Variants in KLF12 observed in about 807,000 individuals in gnomAD.
KLF12 encodes KLF transcription factor 12, also known as Krueppel-like factor 12.
In KLF12, 9 loss-of-function variants were observed where a neutral mutation model predicts 37.8. The ratio of observed to expected loss-of-function variants is 0.24; its 90% CI spans 0.14 to 0.42. The LOEUF is 0.42. Among genes scored for constraint, KLF12 ranks in the 10% least tolerant of loss-of-function variants. The pLI is 1.00. For missense variants in KLF12, 411 were observed against 516.0 expected (o/e 0.80, Z 1.97); for synonymous variants, 208 against 202.1 (o/e 1.03, Z -0.25).
At chr13:73,999,673 C>G (rs1967801) in intron 1 of KLF12, among the ~76,000 whole-genome samples, 132,352 of 152,118 alleles carry the variant, frequency 0.87, 57,816 homozygotes, top group Middle Eastern at 0.91. Flanking sequence ...CCGTGAGGCA[C>G]AGCTTGCAGT....
At chr13:74,248,378 T>G in the KLF12 span, among the ~76,000 whole-genome samples, 1 of 152,330 alleles carries the variant, frequency 6.6e-6, no homozygotes, top group East Asian at 1.9e-4. Flanking sequence ...TATTTGCACT[T>G]TTATTATAGC....
In KLF12 at chr13:74,092,038, C is replaced by G. The variant is rs1875696071; in HGVS notation, c.-32+41701G>C. On this transcript the variant is annotated intron_variant, in intron 1 of 7. Transcript: ENST00000377669. ...GACGTGGTGGCTCACACCTGTAATC[C>G]CAGCACTTTGGGAGGCTGAGGCGGG... Among the ~76,000 whole-genome samples the G allele has an allele frequency of 5.3e-5, 8 of 151,366 alleles. No individual in the cohort carries two copies. The South Asian group carries it at 1.7e-3, about 32-fold the overall frequency.
Position 73,690,860 on chromosome 13 carries a change from T to C in KLF12, c.*4630A>G, listed in dbSNP as rs924331590. On this transcript the variant is annotated 3_prime_UTR_variant, in exon 8 of 8. Coordinates refer to ENST00000377669, the MANE Select transcript of KLF12 (RefSeq NM_007249.5). ...CGAATACAGTAAAATATCTTCACTC[T>C]ATTTTTTAAAGATGCAGTATCCTTC... The C allele has an allele frequency of 6.6e-6, 1 of 152,656 alleles. No individual in the cohort carries two copies. Among genetic ancestry groups the C allele is most frequent in the African/African-American group, 2.4e-5 (1 of 41,472 alleles). 9.5% of individuals were successfully genotyped at this position (152,656 alleles called of 1,614,324 possible).
intron 2 of KLF12, among the ~76,000 whole-genome samples, chr13:73,959,687 T>C (rs1259198958): frequency 2.0e-5 from 3 of 152,070 alleles, no homozygotes; most frequent in East Asian, 3.8e-4. Flanking sequence ...TATTTACATA[T>C]GAAGTGATTC....
chr13:73,688,404 C>A lies in KLF12; in HGVS notation c.*7086G>T, dbSNP rs1006021613. The A allele has an allele frequency of 1.3e-5, 2 of 152,148 alleles. No homozygotes were observed. The highest frequency in any genetic ancestry group is 2.4e-5 in the African/African-American group (1 of 41,442). 9.4% of individuals were successfully genotyped at this position (152,148 alleles called of 1,614,324 possible). On this transcript the variant is annotated 3_prime_UTR_variant, in exon 8 of 8. Coordinates refer to ENST00000377669, the MANE Select transcript of KLF12 (RefSeq NM_007249.5). ...TTATCATCATCTGAACGTTTGATTG[C>A]CACCCCATTACCAACTGCAAGAGTG...
At chr13:74,093,904 C>T (rs1378043828) in intron 1 of KLF12, among the ~76,000 whole-genome samples, 1 of 151,720 alleles carries the variant, frequency 6.6e-6, no homozygotes, top group African/African-American at 2.4e-5. Flanking sequence ...AAAGTCATTC[C>T]TTCTTAGGAA....
chr13:73,972,076 G>A (rs1050774685), intron 2 of KLF12, among the ~76,000 whole-genome samples: 3 of 152,256 alleles, frequency 2.0e-5, no homozygotes, highest in South Asian at 4.1e-4. Context: ...ATGCCAACCT[G>A]TAACAAATGC....
chr13:74,242,717 G>C, the KLF12 span, among the ~76,000 whole-genome samples: 1 of 152,172 alleles, frequency 6.6e-6, no homozygotes, highest in African/African-American at 2.4e-5. Context: ...TGTAGGGCTT[G>C]AGCATCCTGC....
In KLF12 at chr13:73,764,942, G is replaced by A. The variant is rs1879808982; in HGVS notation, c.865C>T (p.Pro289Ser). 1 of 1,554,242 alleles carries A rather than the reference G, an allele frequency of 6.4e-7. No individual in the cohort carries two copies. Among genetic ancestry groups the A allele is most frequent in the Non-Finnish European group, 8.9e-7 (1 of 1,126,244 alleles). ...CATATTAGACTGTATACTCACCAAG[G>A]AAACTTTTGATTATTCATTCGATTG... The change falls in exon 6 of 8, where the codon CCT (proline) becomes TCT (serine). Residue 289 changes from proline to serine, a missense_variant. By Grantham distance (74) the Pro-to-Ser change is moderately conservative. Around this residue, in one of 2 missense-constraint regions of KLF12, gnomAD observed 351 missense variants for 397.8 expected, o/e 0.88. Transcript: ENST00000377669.
At chr13:73,963,665 C>T (rs1056115498) in intron 2 of KLF12, among the ~76,000 whole-genome samples, 1 of 152,076 alleles carries the variant, frequency 6.6e-6, no homozygotes, top group Admixed American at 6.6e-5. Flanking sequence ...TAATTTAGTA[C>T]TCGTATGACG....
chr13:74,209,696 AAATGT>A, the KLF12 span, among the ~76,000 whole-genome samples: 1 of 152,210 alleles, frequency 6.6e-6, no homozygotes, highest in South Asian at 2.1e-4. Context: ...ACAAAATAAC[AAATGT>A]AAGGATAGAT....
At chr13:73,948,422 T>C (rs1429955551) in intron 2 of KLF12, among the ~76,000 whole-genome samples, 1 of 152,178 alleles carries the variant, frequency 6.6e-6, no homozygotes, top group African/African-American at 2.4e-5. Flanking sequence ...TTTCACCTTG[T>C]TGGCTAGCCT....
rs912183250 is a variant in KLF12 at position 73,686,783 on chromosome 13, T to C, written c.*8707A>G. The C allele has an allele frequency of 1.3e-5, 2 of 152,202 alleles. No homozygotes were observed. The highest frequency in any genetic ancestry group is 2.9e-5 in the Non-Finnish European group (2 of 68,040). 9.4% of individuals were successfully genotyped at this position (152,202 alleles called of 1,614,324 possible). On this transcript the variant is annotated 3_prime_UTR_variant, in exon 8 of 8. Coordinates refer to ENST00000377669, the MANE Select transcript of KLF12 (RefSeq NM_007249.5). The stretch of plus-strand genomic sequence containing the variant: ...ATTTGCTGTTCAGAGGCTTCAAGCC[T>C]AGAATAACTGTTTTGTAAACTAAAG...
At chr13:73,704,719 C>G (rs571231314) in intron 7 of KLF12, among the ~76,000 whole-genome samples, 1 of 152,210 alleles carries the variant, frequency 6.6e-6, no homozygotes, top group Non-Finnish European at 1.5e-5. Flanking sequence ...GAGACACTCT[C>G]TTCACACCAC....
At chr13:74,040,392 C>T (rs1893369508) in intron 1 of KLF12, among the ~76,000 whole-genome samples, 2 of 152,132 alleles carry the variant, frequency 1.3e-5, no homozygotes, top group South Asian at 4.1e-4. Context: ...GACCAGGCAC[C>T]ACTCCTGACG....
At chr13:74,280,952 C>G in the KLF12 span, among the ~76,000 whole-genome samples, 1 of 149,290 alleles carries the variant, frequency 6.7e-6, no homozygotes. Flanking sequence ...TTTGATATGT[C>G]TGATACTCTC....
chr13:74,247,565 T>C, the KLF12 span, among the ~76,000 whole-genome samples: 1 of 152,240 alleles, frequency 6.6e-6, no homozygotes, highest in African/African-American at 2.4e-5. Flanking sequence ...AATTCAACTC[T>C]GATAATTTAC....
the KLF12 span, among the ~76,000 whole-genome samples, chr13:74,183,049 C>A: frequency 1.3e-5 from 2 of 152,154 alleles, no homozygotes; most frequent in African/African-American, 4.8e-5. Context: ...ACTCAAGCCT[C>A]AAGTGTACAA....
chr13:73,803,840 C>T (rs1452736808), intron 5 of KLF12, among the ~76,000 whole-genome samples: 1 of 151,034 alleles, frequency 6.6e-6, no homozygotes, highest in Non-Finnish European at 1.5e-5. Flanking sequence ...ATTCCTGTGC[C>T]CAATTGTGGA....
Sources: allele counts gnomAD v4.1 joint callset (sites outside exome capture counted in the v4.1 genomes callset), GRCh38; gene constraint gnomAD v4.1.1; regional missense constraint gnomAD v4.1.1; transcripts MANE v1.5; gene names NCBI Gene and HGNC (gene_info 2026-07-23, HGNC 2026-07-21).